The following XXYLT1 variants were observed in gnomAD, a reference collection of about 807,000 sequenced individuals.
The protein encoded by XXYLT1 is UDP-xylose:alpha-xyloside alpha-1,3-xylosyltransferase.
Under a neutral mutation model 28.9 loss-of-function variants are expected in XXYLT1, and 20 were observed. The ratio of observed to expected loss-of-function variants is 0.69; its 90% CI spans 0.49 to 1.00. The LOEUF (loss-of-function observed/expected upper bound fraction) is 1.00. Among genes scored for constraint, XXYLT1 ranks in the 50% least tolerant of loss-of-function variants. The pLI is 0.00. For synonymous variants in XXYLT1, 257 were observed against 253.8 expected, an observed-to-expected ratio of 1.01 and a Z score of -0.12; for missense variants, 542 against 560.1, an observed-to-expected ratio of 0.97 and a Z score of 0.33.
intron 3 of XXYLT1, among the ~76,000 whole-genome samples, chr3:195,131,388 G>A (rs1362029474): frequency 6.6e-6 from 1 of 152,246 alleles, no homozygotes; most frequent in Non-Finnish European, 1.5e-5. Context: ...GGCAGGCCTT[G>A]GCTTTGCAGC....
chr3:195,185,085 A>AGAAGGAAGAAG (rs1722123996), intron 2 of XXYLT1, among the ~76,000 whole-genome samples: 1 of 100,938 alleles, frequency 9.9e-6, no homozygotes, highest in Non-Finnish European at 1.9e-5. Flanking sequence ...GAAAGAAGGA[A>AGAAGGAAGAAG]GAAGGAAGGA....
intron 2 of XXYLT1, among the ~76,000 whole-genome samples, chr3:195,162,096 CAAAA>C (rs34348051): frequency 2.1e-5 from 2 of 95,060 alleles, no homozygotes; most frequent in Non-Finnish European, 2.4e-5. Flanking sequence ...GGCCCTGTTT[CAAAA>C]AAAAAAAAAA....
chr3:195,205,024 A>T (rs2108770405), intron 2 of XXYLT1, among the ~76,000 whole-genome samples: 1 of 152,304 alleles, frequency 6.6e-6, no homozygotes, highest in Admixed American at 6.5e-5. Flanking sequence ...TCTGGTTTAG[A>T]AGGGACTTGA....
intron 3 of XXYLT1, among the ~76,000 whole-genome samples, chr3:195,155,319 A>C (rs1002695559): frequency 6.6e-6 from 1 of 152,190 alleles, no homozygotes; most frequent in Non-Finnish European, 1.5e-5. Context: ...GAAGGTCGGC[A>C]GGGAGCCAGC....
intron 1 of XXYLT1, among the ~76,000 whole-genome samples, chr3:195,230,160 T>C (rs1724238289): frequency 6.6e-6 from 1 of 152,232 alleles, no homozygotes; most frequent in African/African-American, 2.4e-5. Context: ...TTCATATACA[T>C]GTTTGCCATT....
At chr3:195,194,393 C>T (rs1314682702) in intron 2 of XXYLT1, among the ~76,000 whole-genome samples, 2 of 152,228 alleles carry the variant, frequency 1.3e-5, no homozygotes, top group East Asian at 3.9e-4. Context: ...CCCAGAATGG[C>T]TGTAGTAAGA....
In XXYLT1 at chr3:195,162,071, C is replaced by T. The variant is rs188033753; in HGVS notation, c.653-5490G>A. ...ACCACTGCACTCCAGCCTGGGTGAC[C>T]GGGTGACCAAGTGAGGCCCTGTTTC... On this transcript the variant is annotated intron_variant, in intron 2 of 3. Transcript: ENST00000310380. Among the ~76,000 whole-genome samples the T allele has an allele frequency of 2.7e-3, 400 of 148,816 alleles. 3 individuals are homozygous for T. Among genetic ancestry groups the T allele is most frequent in the African/African-American group, 9.6e-3 (385 of 39,928 alleles).
intron 3 of XXYLT1, among the ~76,000 whole-genome samples, chr3:195,120,650 C>T (rs116444568): frequency 4.6e-5 from 7 of 152,290 alleles, no homozygotes; most frequent in African/African-American, 1.2e-4. Flanking sequence ...GTGTTCTCCT[C>T]GGATGGCTCC....
At chr3:195,087,431 C>G (rs1400401921) in intron 3 of XXYLT1, 1 of 152,296 alleles carries the variant, frequency 6.6e-6, no homozygotes, top group Non-Finnish European at 1.5e-5. Context: ...CTGAGCTACC[C>G]TCCCTGTCTC....
intron 1 of XXYLT1, chr3:195,259,677 C>G (rs1725610719): frequency 1.0e-6 from 1 of 985,356 alleles, no homozygotes; most frequent in African/African-American, 1.7e-5. Flanking sequence ...ACGCCGGGCT[C>G]CAGGCCAGCG....
chr3:195,078,367 C>T lies in XXYLT1; in HGVS notation c.786-8256G>A, dbSNP rs181796653. On this transcript the variant is annotated intron_variant, in intron 3 of 3. Transcript: ENST00000310380. The surrounding 1 kb of genome is among the most constrained non-coding windows in gnomAD (Gnocchi z 5.0). ...ACACTGACAGCCGAGAGGCCCGTAG[C>T]GAGTCAGGCCATGGGGGCCTTTTCT... is the stretch of plus-strand genomic sequence containing the variant. Among the ~76,000 whole-genome samples, 339 of 152,182 alleles carry T rather than the reference C, an allele frequency of 2.2e-3. 3 individuals are homozygous for T. The highest frequency in any genetic ancestry group is 3.3e-3 in the Admixed American group (51 of 15,288).
In XXYLT1 at chr3:195,115,490, C is replaced by A. The variant is rs920430220; in HGVS notation, c.785+40959G>T. Among the ~76,000 whole-genome samples, 3 of 152,188 alleles carry A rather than the reference C, an allele frequency of 2.0e-5. No homozygotes were observed. Among genetic ancestry groups the A allele is most frequent in the Non-Finnish European group, 2.9e-5 (2 of 68,030 alleles). The stretch of plus-strand genomic sequence containing the variant: ...CAATGTTGTAAGCACCTAATTCCAA[C>A]AAGAAACTCCTTCTGCTTACACCAC... On this transcript the variant is annotated intron_variant, in intron 3 of 3. Coordinates refer to ENST00000310380, the MANE Select transcript of XXYLT1 (RefSeq NM_152531.5). The surrounding 1 kb of genome is among the most constrained non-coding windows in gnomAD (Gnocchi z 4.2).
chr3:195,148,999 A>T (rs756657083), intron 3 of XXYLT1, among the ~76,000 whole-genome samples: 11 of 152,248 alleles, frequency 7.2e-5, no homozygotes, highest in Non-Finnish European at 1.6e-4. Context: ...TTGAGGCTGC[A>T]TGGATATTAT....
intron 3 of XXYLT1, among the ~76,000 whole-genome samples, chr3:195,107,646 A>G (rs189447657): frequency 0.067 from 405 of 6,052 alleles, 32 homozygotes; most frequent in Middle Eastern, 0.25. Flanking sequence ...GAGGAGGAGG[A>G]GGAGGAGGAG....
intron 1 of XXYLT1, among the ~76,000 whole-genome samples, chr3:195,250,877 T>C (rs992615801): frequency 6.6e-6 from 1 of 152,094 alleles, no homozygotes; most frequent in Admixed American, 6.5e-5. Flanking sequence ...ACCTGGCACA[T>C]AGTAGATGCC....
intron 3 of XXYLT1, among the ~76,000 whole-genome samples, chr3:195,121,547 C>T (rs1270663686): frequency 6.6e-6 from 1 of 152,216 alleles, no homozygotes; most frequent in African/African-American, 2.4e-5. Flanking sequence ...ACGTTCTCAT[C>T]TTTTCTGCCC....
intron 3 of XXYLT1, among the ~76,000 whole-genome samples, chr3:195,097,701 T>C (rs58904113): frequency 0.044 from 6,729 of 152,202 alleles, 233 homozygotes; most frequent in East Asian, 0.21. Context: ...GCGAGCACCC[T>C]GTGAACAGTC....
chr3:195,140,354 G>A (rs765192696), intron 3 of XXYLT1, among the ~76,000 whole-genome samples: 26 of 152,178 alleles, frequency 1.7e-4, no homozygotes, highest in African/African-American at 5.3e-4. Flanking sequence ...TACCAGCTCC[G>A]GAGGTGGCAC....
At chr3:195,130,372 C>A (rs1718843140) in intron 3 of XXYLT1, among the ~76,000 whole-genome samples, 1 of 152,212 alleles carries the variant, frequency 6.6e-6, no homozygotes, top group Non-Finnish European at 1.5e-5. Context: ...CAGGTCTGGG[C>A]TTAGAGGGGA....
Sources: gnomAD v4.1 joint callset for allele counts (sites outside exome capture counted in the v4.1 genomes callset) on GRCh38, gnomAD v4.1.1 for gene constraint, Gnocchi (gnomAD v3.1) non-coding constraint, MANE v1.5 for transcripts, NCBI Gene and HGNC (gene_info 2026-07-23, HGNC 2026-07-21) for gene names.